The following SGSM3 variants were observed in gnomAD, a reference collection of about 807,000 sequenced individuals.
SGSM3 encodes the protein small G protein signaling modulator 3, also known as RUN and SH3 containing 3.
In SGSM3, 96 loss-of-function variants were observed where a neutral mutation model predicts 100.5. The observed-to-expected ratio is 0.96, with a 90% CI of 0.81 to 1.13. SGSM3 has a LOEUF of 1.13. Among genes scored for constraint, SGSM3 ranks in the 50% most tolerant of loss-of-function variants. The pLI is 0.00. For missense variants in SGSM3, 1,001 were observed against 1,015.8 expected (o/e 0.99, Z 0.20); for synonymous variants, 483 against 422.8 (o/e 1.14, Z -1.75).
At chr22:40,409,428 G>GGTGACAA (rs1414779161) in intron 20 of SGSM3, 37 bp from the exon 21 acceptor site, 67 of 1,567,808 alleles carry the variant, frequency 4.3e-5, no homozygotes, top group Non-Finnish European at 5.8e-5. Flanking sequence ...GCTAGCTGGG[G>GGTGACAA]GTGACAAGAG....
chr22:40,373,683 T>G (rs1384844396), intron 1 of SGSM3: 2 of 152,276 alleles, frequency 1.3e-5, no homozygotes, highest in East Asian at 3.8e-4. Flanking sequence ...TGGGGCAATC[T>G]CGGCTCACTG....
At chr22:40,405,620 G>A (rs1481160962) in intron 7 of SGSM3, 29 bp from the exon 8 acceptor site, 4 of 1,596,172 alleles carry the variant, frequency 2.5e-6, no homozygotes, top group Admixed American at 3.4e-5. Context: ...GACCTGGGTA[G>A]AAGGCCCTTG....
chr22:40,376,419 G>C (rs2046610124), intron 1 of SGSM3: 1 of 151,842 alleles, frequency 6.6e-6, no homozygotes, highest in East Asian at 1.9e-4. Flanking sequence ...CTCATGAGTT[G>C]CTGTGATTAC....
rs34243479 is a variant in SGSM3, at chr22:40,406,100, C to A, written c.837C>A (p.His279Gln). The A allele has an allele frequency of 6.2e-7, 1 of 1,614,074 alleles. No individual in the cohort carries two copies. The highest frequency in any genetic ancestry group is 1.1e-5 in the South Asian group (1 of 91,086). Reference sequence around the variant, plus strand: ...CAGAGCTGTCCCTGATCACACTGCACTGGTTCCTCACGGCCTTCGCCAGCG... The same window carrying A: ...CAGAGCTGTCCCTGATCACACTGCAATGGTTCCTCACGGCCTTCGCCAGCG... ...HDIELSLITL[H>Q]WFLTAFASVV... Residue 279 changes from histidine to glutamine, a missense_variant, in exon 9 of 22, where the codon CAC becomes CAA. Transcript: ENST00000248929.
Position 40,405,281 on chromosome 22 carries a change from C to A in SGSM3, c.615C>A (p.Gly205=). The A allele has an allele frequency of 6.6e-7, 1 of 1,505,252 alleles. No homozygotes were observed. The highest frequency in any genetic ancestry group is 2.2e-5 in the Admixed American group (1 of 44,762). 93.2% of individuals were successfully genotyped at this position (1,505,252 alleles called of 1,614,324 possible). A position where few individuals can be genotyped will look rare whatever the true frequency, so the allele number is the denominator to read the frequency against. Reference sequence around the variant, plus strand: ...AGATCGGCTACTGCCAGGGCACCGGCATGGTGAGCACAGCCCCAGAAAGGG... The same window carrying A: ...AGATCGGCTACTGCCAGGGCACCGGAATGGTGAGCACAGCCCCAGAAAGGG... ...YPEIGYCQGT[G]MVAACLLLFL... is the part of the protein sequence containing the mutation. Residue 205 remains glycine (G), a synonymous_variant, in exon 7 of 22, where the codon GGC becomes GGA. Transcript: ENST00000248929.
intron 1 of SGSM3, among the ~76,000 whole-genome samples, chr22:40,397,237 T>C (rs1331024780): frequency 6.6e-6 from 1 of 152,084 alleles, no homozygotes; most frequent in Non-Finnish European, 1.5e-5. Context: ...TTTATATGTG[T>C]GTGTAGCATT....
chr22:40,393,114 C>T (rs1351676298), intron 1 of SGSM3, among the ~76,000 whole-genome samples: 2 of 152,092 alleles, frequency 1.3e-5, no homozygotes, highest in African/African-American at 4.8e-5. Flanking sequence ...CACCTTTTGA[C>T]TATTTTACTT....
rs1166067079 is a variant in SGSM3, at chr22:40,406,178, C to G, written c.915C>G (p.Gly305=). The G allele has an allele frequency of 1.9e-6, 3 of 1,614,138 alleles. No homozygotes were observed. The Admixed American group carries it at 5.0e-5, about 27-fold the overall frequency. ...TCTGGGACCTGTTTTTCTACGAGGG[C>G]TCCCGGGTGCTGTTCCAGCTCACGC... ...LRIWDLFFYE[G]SRVLFQLTLG... Residue 305 remains glycine, a synonymous_variant, in exon 9 of 22, where the codon GGC becomes GGG. Coordinates refer to ENST00000248929, the MANE Select transcript of SGSM3 (RefSeq NM_015705.6).
rs892626131 is a variant in SGSM3 at position 40,398,563 on chromosome 22, G to A, written c.-111-2133G>A. Among the ~76,000 whole-genome samples the A allele has an allele frequency of 2.3e-4, 33 of 141,520 alleles. 4 individuals are homozygous for A. Among genetic ancestry groups the A allele is most frequent in the African/African-American group, 8.1e-4 (31 of 38,494 alleles). The allele number at this position is 141,520 out of a possible 152,430, so 92.8% of individuals were successfully genotyped here. On this transcript the variant is annotated intron_variant, in intron 1 of 21. Coordinates refer to ENST00000248929, the MANE Select transcript of SGSM3 (RefSeq NM_015705.6). ...CAACCAAACCCCTGCCTCTGGGGCCGATGGTGATGAGGAGTCTTTCTCATG... is the reference window on the plus strand; with the variant it reads ...CAACCAAACCCCTGCCTCTGGGGCCAATGGTGATGAGGAGTCTTTCTCATG...
rs1466661565 is a variant in SGSM3, at chr22:40,407,435, T to C, written c.1391T>C (p.Met464Thr). The change falls in exon 13 of 22, where the codon ATG becomes ACG. Residue 464 changes from methionine to threonine, a missense_variant. Physicochemically the swap from Met to Thr is moderately conservative, Grantham distance 81. Coordinates refer to ENST00000248929, the MANE Select transcript of SGSM3 (RefSeq NM_015705.6). The surrounding 1 kb of genome is among the most constrained non-coding windows in gnomAD (Gnocchi z 4.7). ...CAGGAGCTGACTCCAGACTATAGCA[T>C]GGAGAGCCACCAGCGGGACCACGAG... ...CSVELTPDYSMESHQRDHENY... is the reference protein window; with the variant it reads ...CSVELTPDYSTESHQRDHENY... The C allele has an allele frequency of 3.1e-6, 5 of 1,612,842 alleles. No individual in the cohort carries two copies. The highest frequency in any genetic ancestry group is 1.3e-5 in the African/African-American group (1 of 75,058).
intron 1 of SGSM3, chr22:40,387,511 A>G: frequency 3.6e-6 from 1 of 280,994 alleles, no homozygotes; most frequent in Non-Finnish European, 6.6e-6. Context: ...ATGTTAATAT[A>G]AAACTTTCAA....
At chr22:40,403,444 T>C (rs548906926) in intron 4 of SGSM3, among the ~76,000 whole-genome samples, 1 of 152,314 alleles carries the variant, frequency 6.6e-6, no homozygotes, top group East Asian at 1.9e-4. Flanking sequence ...TGGTCTCAGC[T>C]GCATGGAGTT....
At chr22:40,386,623 T>C (rs1350155580) in intron 1 of SGSM3, among the ~76,000 whole-genome samples, 1 of 148,006 alleles carries the variant, frequency 6.8e-6, no homozygotes, top group African/African-American at 2.5e-5. Context: ...GGTCTCGCTA[T>C]GTTGCCCAGG....
chr22:40,381,914 C>T (rs926967046), intron 1 of SGSM3, among the ~76,000 whole-genome samples: 1 of 152,132 alleles, frequency 6.6e-6, no homozygotes, highest in East Asian at 1.9e-4. Context: ...AGCCAAGATT[C>T]GCGCCACTGC....
At chr22:40,393,233 C>G (rs143266608) in intron 1 of SGSM3, among the ~76,000 whole-genome samples, 2 of 152,236 alleles carry the variant, frequency 1.3e-5, no homozygotes, top group African/African-American at 4.8e-5. Flanking sequence ...TCTCCCGCCT[C>G]GGCCTCCCAA....
chr22:40,399,670 G>C (rs2050477329), intron 1 of SGSM3, among the ~76,000 whole-genome samples: 1 of 152,208 alleles, frequency 6.6e-6, no homozygotes, highest in African/African-American at 2.4e-5. Context: ...TCATAGTTCT[G>C]AGGGAAACCC....
intron 1 of SGSM3, among the ~76,000 whole-genome samples, chr22:40,379,669 A>G (rs1387435967): frequency 6.6e-6 from 1 of 152,068 alleles, no homozygotes; most frequent in Non-Finnish European, 1.5e-5. Context: ...ATCAACCTGT[A>G]GTTATCTCTT....
chr22:40,400,870 AGGGATGGAAG>A, intron 2 of SGSM3, 57 bp downstream of exon 2: 1 of 1,473,946 alleles, frequency 6.8e-7, no homozygotes, highest in African/African-American at 1.4e-5. Context: ...GAGGAGCCAG[AGGGATGGAAG>A]GTGGCTTGTT....
At chr22:40,380,573 G>T (rs1027735047) in intron 1 of SGSM3, among the ~76,000 whole-genome samples, 2 of 151,924 alleles carry the variant, frequency 1.3e-5, no homozygotes, top group African/African-American at 4.8e-5. Flanking sequence ...CACCATGTTG[G>T]CCAGGCTGGT....
Sources: gnomAD v4.1 joint callset for allele counts (sites outside exome capture counted in the v4.1 genomes callset) on GRCh38, gnomAD v4.1.1 for gene constraint, Gnocchi (gnomAD v3.1) non-coding constraint, MANE v1.5 for transcripts, NCBI Gene and HGNC (gene_info 2026-07-23, HGNC 2026-07-21) for gene names.